Variants in FAF1 observed in about 807,000 individuals in gnomAD.
FAF1 encodes the protein FAS-associated factor 1.
A neutral mutation model predicts 92.5 loss-of-function variants in FAF1; 25 were observed. The observed-to-expected ratio is 0.27, with a 90% CI of 0.20 to 0.38. The LOEUF (loss-of-function observed/expected upper bound fraction) is 0.38. Among genes scored for constraint, FAF1 ranks in the 10% least tolerant of loss-of-function variants. The probability of loss-of-function intolerance (pLI) is 1.00; values close to 1 mark genes in which losing one functional copy is unlikely to be tolerated. For synonymous variants in FAF1, 234 were observed against 273.2 expected (o/e 0.86, Z 1.42); for missense variants, 636 against 793.3 (o/e 0.80, Z 2.38).
intron 1 of FAF1, among the ~76,000 whole-genome samples, chr1:50,930,235 T>G (rs547546612): frequency 5.3e-5 from 8 of 152,322 alleles, no homozygotes; most frequent in Admixed American, 1.3e-4. Flanking sequence ...TTGGTTCTTT[T>G]GTTTTAAAGA....
At chr1:50,896,380 C>T (rs1010314000) in intron 1 of FAF1, among the ~76,000 whole-genome samples, 1 of 152,044 alleles carries the variant, frequency 6.6e-6, no homozygotes, top group Non-Finnish European at 1.5e-5. Context: ...ACAGTGTATG[C>T]CTGTATCAAA....
chr1:50,637,706 T>TGTGTGTGTGTGTGTGTGC (rs1186385884), intron 8 of FAF1, among the ~76,000 whole-genome samples: 15 of 150,330 alleles, frequency 1.0e-4, no homozygotes, highest in Non-Finnish European at 2.1e-4. Flanking sequence ...TGTGTGTGTG[T>TGTGTGTGTGTGTGTGTGC]GTGTGTGCGT....
chr1:50,641,676 T>C (rs1654335663), intron 8 of FAF1, among the ~76,000 whole-genome samples: 1 of 152,198 alleles, frequency 6.6e-6, no homozygotes, highest in South Asian at 2.1e-4. Context: ...GTGAAGTGTC[T>C]ACAAATTTAA....
At chr1:50,476,282 A>T (rs1387766621) in intron 17 of FAF1, among the ~76,000 whole-genome samples, 2 of 152,222 alleles carry the variant, frequency 1.3e-5, no homozygotes, top group African/African-American at 4.8e-5. Flanking sequence ...TGCCACAATA[A>T]AAGAAAAGTT....
intron 1 of FAF1, among the ~76,000 whole-genome samples, chr1:50,922,835 A>C (rs1459316451): frequency 7.9e-5 from 12 of 151,464 alleles, no homozygotes; most frequent in Admixed American, 1.3e-4. Flanking sequence ...AAAAAAAAAA[A>C]AAAAGGCAAA....
chr1:50,817,995 T>A (rs527997439), intron 2 of FAF1, among the ~76,000 whole-genome samples: 49 of 152,222 alleles, frequency 3.2e-4, no homozygotes, highest in African/African-American at 1.2e-3. Context: ...AAAAATCTAA[T>A]CTATAGTTAA....
intron 6 of FAF1, 54 bp downstream of exon 6, chr1:50,738,809 A>G: frequency 1.6e-6 from 2 of 1,237,452 alleles, no homozygotes; most frequent in East Asian, 2.3e-5. Context: ...ACTTAAAGCA[A>G]TTTTAACAAC....
chr1:50,941,657 T>G (rs1191856671), intron 1 of FAF1, among the ~76,000 whole-genome samples: 4 of 152,180 alleles, frequency 2.6e-5, no homozygotes, highest in Non-Finnish European at 4.4e-5. Context: ...GAGCCAAGTT[T>G]GGATGCATTT....
At chr1:50,780,294 G>A (rs950663627) in intron 4 of FAF1, 1 of 152,706 alleles carries the variant, frequency 6.5e-6, no homozygotes, top group Admixed American at 6.5e-5. Context: ...AATTCATGTG[G>A]AGGTCAGAGT....
intron 8 of FAF1, among the ~76,000 whole-genome samples, chr1:50,596,755 C>T (rs1225816985): frequency 2.0e-5 from 3 of 152,140 alleles, no homozygotes; most frequent in Non-Finnish European, 4.4e-5. Context: ...ATTTTCAATA[C>T]ACTGTTTCGA....
chr1:50,841,043 T>C (rs1198010486), intron 2 of FAF1, among the ~76,000 whole-genome samples: 3 of 152,030 alleles, frequency 2.0e-5, no homozygotes, highest in Admixed American at 1.3e-4. Context: ...AAATAGTTAA[T>C]AGTGAACACA....
At position 50,454,803 on chromosome 1, in the gene FAF1, T is replaced by C. The variant is rs146503096; in HGVS notation, c.1870-13280A>G. On this transcript the variant is annotated intron_variant, in intron 18 of 18. Coordinates refer to ENST00000396153, the MANE Select transcript of FAF1 (RefSeq NM_007051.3). Reference sequence around the variant, plus strand: ...TTCACACTGAGTTATCTGTTGTGCCTTTTGATTATTTGTTTATGAGTCTGT... The same window carrying C: ...TTCACACTGAGTTATCTGTTGTGCCCTTTGATTATTTGTTTATGAGTCTGT... Among the ~76,000 whole-genome samples the C allele has an allele frequency of 1.4e-3, 206 of 152,360 alleles. 1 individual carries two copies. The highest frequency in any genetic ancestry group is 4.8e-3 in the African/African-American group (199 of 41,582).
intron 8 of FAF1, among the ~76,000 whole-genome samples, chr1:50,654,663 A>G (rs1460946534): frequency 1.3e-5 from 2 of 152,248 alleles, no homozygotes; most frequent in African/African-American, 4.8e-5. Flanking sequence ...TTAACTTTTA[A>G]GTATCAGTCT....
At chr1:50,928,876 G>A (rs1456538473) in intron 1 of FAF1, among the ~76,000 whole-genome samples, 1 of 151,514 alleles carries the variant, frequency 6.6e-6, no homozygotes, top group Non-Finnish European at 1.5e-5. Context: ...CTGAGCTCAG[G>A]GGATCGAGAC....
intron 1 of FAF1, among the ~76,000 whole-genome samples, chr1:50,909,685 C>T (rs1348401721): frequency 6.6e-6 from 1 of 152,208 alleles, no homozygotes; most frequent in Non-Finnish European, 1.5e-5. Context: ...GAAGGTTGTG[C>T]ATGCATCATG....
At chr1:50,676,417 A>AAG (rs1656123075) in intron 7 of FAF1, among the ~76,000 whole-genome samples, 1 of 151,914 alleles carries the variant, frequency 6.6e-6, no homozygotes, top group Admixed American at 6.6e-5. Context: ...TAAAAAAAAA[A>AAG]AAAGAAAGAA....
intron 8 of FAF1, among the ~76,000 whole-genome samples, chr1:50,635,310 C>G (rs1182284932): frequency 6.6e-6 from 1 of 152,198 alleles, no homozygotes. Flanking sequence ...TCAGTTTAAT[C>G]ACATGAAGAC....
intron 1 of FAF1, among the ~76,000 whole-genome samples, chr1:50,953,731 CTCTGTCT>C (rs1645239772): frequency 6.6e-6 from 1 of 151,730 alleles, no homozygotes; most frequent in African/African-American, 2.4e-5. Context: ...AAAAGCGAAA[CTCTGTCT>C]CAAACAAAAA....
chr1:50,642,157 T>A (rs1326796303), intron 8 of FAF1, among the ~76,000 whole-genome samples: 2 of 146,508 alleles, frequency 1.4e-5, no homozygotes, highest in Non-Finnish European at 3.0e-5. Context: ...GAGCCAAGAC[T>A]GTGCCACTGC....
Sources: allele counts gnomAD v4.1 joint callset (sites outside exome capture counted in the v4.1 genomes callset), GRCh38; gene constraint gnomAD v4.1.1; transcripts MANE v1.5; gene names NCBI Gene and HGNC (gene_info 2026-07-23, HGNC 2026-07-21).